Variants in MSI2 observed in about 807,000 individuals in gnomAD.
MSI2 encodes the protein musashi RNA binding protein 2.
MSI2 carries 17 observed loss-of-function variants against 45.6 expected under a neutral mutation model. The ratio of observed to expected loss-of-function variants is 0.37; its 90% CI spans 0.26 to 0.56. MSI2 has a LOEUF of 0.56. Among genes scored for constraint, MSI2 ranks in the 20% least tolerant of loss-of-function variants. The pLI, the probability that MSI2 is intolerant of heterozygous loss-of-function variation, is 0.77. For synonymous variants in MSI2, 156 were observed against 158.2 expected, an observed-to-expected ratio of 0.99 and a Z score of 0.11; for missense variants, 293 against 444.2, an observed-to-expected ratio of 0.66 and a Z score of 3.06.
At chr17:57,557,678 T>C (rs116819238) in intron 7 of MSI2, among the ~76,000 whole-genome samples, 4,658 of 152,324 alleles carry the variant, frequency 0.031, 141 homozygotes, top group African/African-American at 0.079. Context: ...CGTGGAAGTC[T>C]GGCAGGTGTA....
chr17:57,307,644 C>T (rs1432283516), intron 5 of MSI2, among the ~76,000 whole-genome samples: 3 of 152,138 alleles, frequency 2.0e-5, no homozygotes, highest in African/African-American at 7.2e-5. Flanking sequence ...AGGTTGGTCT[C>T]GAACTCCTGA....
Position 57,361,240 on chromosome 17 carries a change from C to A in MSI2, c.313-40139C>A, listed in dbSNP as rs543545316. 2.0e-5 allele frequency among the ~76,000 whole-genome samples: 3 copies of A among 152,262 alleles called. No homozygotes were observed. The East Asian group carries it at 5.8e-4, about 29-fold the overall frequency. ...TACTGATAACATCAACAGTTGATTA[C>A]ACATGCTTTATATATGTATTATATA... On this transcript the variant is annotated intron_variant, in intron 5 of 13. Coordinates refer to ENST00000284073, the MANE Select transcript of MSI2 (RefSeq NM_138962.4).
intron 6 of MSI2, among the ~76,000 whole-genome samples, chr17:57,453,195 T>C (rs957612303): frequency 2.2e-4 from 34 of 151,900 alleles, no homozygotes; most frequent in African/African-American, 7.0e-4. Flanking sequence ...GAGACGGGGT[T>C]TCATTAGGTT....
intron 6 of MSI2, among the ~76,000 whole-genome samples, chr17:57,468,907 T>A (rs1380572277): frequency 6.6e-6 from 1 of 152,108 alleles, no homozygotes; most frequent in Non-Finnish European, 1.5e-5. Flanking sequence ...CCCTTCTGCT[T>A]TTGTTCTTAT....
chr17:57,381,556 A>G (rs544137393), intron 5 of MSI2, among the ~76,000 whole-genome samples: 9 of 152,136 alleles, frequency 5.9e-5, no homozygotes, highest in Admixed American at 5.2e-4. Context: ...CCCCAGTAGC[A>G]GGTTACATAT....
chr17:57,547,789 C>CACACACACACACACACAT (rs1555621979), intron 7 of MSI2, among the ~76,000 whole-genome samples: 22 of 145,200 alleles, frequency 1.5e-4, no homozygotes, highest in South Asian at 4.4e-4. Context: ...CACACACACA[C>CACACACACACACACACAT]GTCTCTGGAG....
intron 7 of MSI2, among the ~76,000 whole-genome samples, chr17:57,546,289 TAGC>T (rs1302013994): frequency 6.6e-6 from 1 of 152,322 alleles, no homozygotes; most frequent in African/African-American, 2.4e-5. Context: ...AAAATGCTAA[TAGC>T]AGCGGCAACA....
intron 11 of MSI2, among the ~76,000 whole-genome samples, chr17:57,656,637 T>G (rs1286284771): frequency 6.6e-6 from 1 of 152,016 alleles, no homozygotes; most frequent in Non-Finnish European, 1.5e-5. Context: ...GTTCTTAGGG[T>G]TGGTGAAGGT....
chr17:57,296,031 T>TA (rs1253301611), intron 5 of MSI2, among the ~76,000 whole-genome samples: 1 of 126,582 alleles, frequency 7.9e-6, no homozygotes, highest in Non-Finnish European at 1.6e-5. Flanking sequence ...TTTTTTGCCT[T>TA]ACTACATGTT....
intron 6 of MSI2, among the ~76,000 whole-genome samples, chr17:57,430,737 A>T (rs1470841779): frequency 6.6e-6 from 1 of 152,014 alleles, no homozygotes; most frequent in Non-Finnish European, 1.5e-5. Context: ...GGTGGCCCTG[A>T]GTTTCTAGAC....
At chr17:57,617,905 T>C (rs2144568577) in intron 9 of MSI2, among the ~76,000 whole-genome samples, 1 of 152,076 alleles carries the variant, frequency 6.6e-6, no homozygotes, top group South Asian at 2.1e-4. Context: ...ACCCTGTCTC[T>C]ACTAAAAATA....
chr17:57,493,926 C>T (rs1320787515), intron 6 of MSI2, among the ~76,000 whole-genome samples: 1 of 152,102 alleles, frequency 6.6e-6, no homozygotes, highest in Non-Finnish European at 1.5e-5. Flanking sequence ...AAAACTGGCC[C>T]TCTGCAGAAG....
intron 7 of MSI2, among the ~76,000 whole-genome samples, chr17:57,591,521 C>T (rs571627333): frequency 1.3e-5 from 2 of 151,354 alleles, no homozygotes; most frequent in South Asian, 2.1e-4. Context: ...CCAGGAGTTT[C>T]GAGACCAGCC....
intron 5 of MSI2, among the ~76,000 whole-genome samples, chr17:57,294,298 G>T (rs1004571425): frequency 6.6e-6 from 1 of 152,138 alleles, no homozygotes; most frequent in African/African-American, 2.4e-5. Context: ...TCATCTGGGT[G>T]CTGTTTGAGC....
downstream of MSI2, among the ~76,000 whole-genome samples, chr17:57,688,384 C>T (rs890275042): frequency 2.6e-5 from 4 of 151,952 alleles, no homozygotes; most frequent in Admixed American, 2.0e-4. Flanking sequence ...GTAGTAAGCA[C>T]TCAGTAATGG....
chr17:57,529,732 T>C lies in MSI2; in HGVS notation c.454+8T>C, dbSNP rs758179240. On this transcript the variant is annotated splice_region_variant and intron_variant, in intron 7 of 13. Coordinates refer to ENST00000284073, the MANE Select transcript of MSI2 (RefSeq NM_138962.4). This position sits in a 1 kb window ranked among gnomAD's most constrained non-coding sequence, Gnocchi z 5.3. ...CTACCAACAGGCACAGAGGTAAGAT[T>C]ACCCCAGTGTAAGAGGGTTGCGTTC... 1.2e-6 allele frequency: 2 copies of C among 1,611,740 alleles called. No homozygotes were observed. The highest frequency in any genetic ancestry group is 1.3e-5 in the African/African-American group (1 of 74,722).
rs79766794 is a variant in MSI2, at chr17:57,499,102, G to A, written c.406-30574G>A. ...CCTCAAGCTAAGGGCAAGGCCAGAC[G>A]CGGTGGCTCATGCCTGTAATCCCAG... is the stretch of plus-strand genomic sequence containing the variant. On this transcript the variant is annotated intron_variant, in intron 6 of 13. Coordinates refer to ENST00000284073, the MANE Select transcript of MSI2 (RefSeq NM_138962.4). 2.3e-4 allele frequency among the ~76,000 whole-genome samples: 35 copies of A among 152,170 alleles called. No individual in the cohort carries two copies. The East Asian group carries it at 6.0e-3, about 26-fold the overall frequency.
chr17:57,602,395 C>G (rs1195599915), intron 8 of MSI2, among the ~76,000 whole-genome samples: 1 of 152,248 alleles, frequency 6.6e-6, no homozygotes, highest in African/African-American at 2.4e-5. Flanking sequence ...TTCTGTCACC[C>G]AGGCTGGAGT....
At chr17:57,701,098 A>G in the MSI2 span, among the ~76,000 whole-genome samples, 2 of 152,122 alleles carry the variant, frequency 1.3e-5, no homozygotes, top group Non-Finnish European at 2.9e-5. Flanking sequence ...ATGAACAGAT[A>G]TGTAAGGTGG....
Sources: allele counts gnomAD v4.1 joint callset (sites outside exome capture counted in the v4.1 genomes callset), GRCh38; gene constraint gnomAD v4.1.1; non-coding constraint Gnocchi (gnomAD v3.1); transcripts MANE v1.5; gene names NCBI Gene and HGNC (gene_info 2026-07-23, HGNC 2026-07-21).